The following ZNF407 variants were observed in gnomAD, a reference collection of about 807,000 sequenced individuals.
ZNF407 encodes the protein zinc finger protein 407.
In ZNF407, 17 loss-of-function variants were observed where a neutral mutation model predicts 131.2. The ratio of observed to expected loss-of-function variants is 0.13; its 90% CI spans 0.09 to 0.19. The LOEUF is 0.19. Among genes scored for constraint, ZNF407 ranks in the 10% least tolerant of loss-of-function variants. The pLI is 1.00. For synonymous variants in ZNF407, 1,156 were observed against 1,062.0 expected, an observed-to-expected ratio of 1.09 and a Z score of -1.72; for missense variants, 2,681 against 2,830.6, an observed-to-expected ratio of 0.95 and a Z score of 1.20.
intron 8 of ZNF407, among the ~76,000 whole-genome samples, chr18:74,948,748 G>A (rs1268904598): frequency 1.3e-5 from 2 of 152,200 alleles, no homozygotes; most frequent in African/African-American, 4.8e-5. Flanking sequence ...TTTAAAATAA[G>A]CTTGTGTAAG....
At chr18:74,670,551 A>G (rs1986102035) in intron 3 of ZNF407, among the ~76,000 whole-genome samples, 1 of 152,250 alleles carries the variant, frequency 6.6e-6, no homozygotes, top group Non-Finnish European at 1.5e-5. Flanking sequence ...CTAAGGAATA[A>G]AAAACTATTC....
At chr18:74,911,990 T>C (rs1307263484) in intron 7 of ZNF407, among the ~76,000 whole-genome samples, 1 of 152,120 alleles carries the variant, frequency 6.6e-6, no homozygotes, top group African/African-American at 2.4e-5. Context: ...CAGACCTGAT[T>C]GTTGCCAGTA....
chr18:74,850,637 A>G (rs1201616777), intron 4 of ZNF407, among the ~76,000 whole-genome samples: 1 of 152,224 alleles, frequency 6.6e-6, no homozygotes. Flanking sequence ...TTTATAACAA[A>G]TAAAGGCTGA....
chr18:74,748,280 C>A (rs895921352), intron 3 of ZNF407, among the ~76,000 whole-genome samples: 1 of 147,932 alleles, frequency 6.8e-6, no homozygotes. Context: ...TTTAAAAATT[C>A]TTTCTTTTTT....
chr18:74,991,414 T>G (rs1972717467), intron 8 of ZNF407, among the ~76,000 whole-genome samples: 1 of 152,222 alleles, frequency 6.6e-6, no homozygotes, highest in African/African-American at 2.4e-5. Flanking sequence ...CAATAAAATT[T>G]TGAGAATTGT....
intron 3 of ZNF407, among the ~76,000 whole-genome samples, chr18:74,653,443 G>T (rs1447728871): frequency 6.6e-6 from 1 of 151,602 alleles, no homozygotes; most frequent in Admixed American, 6.6e-5. Flanking sequence ...TATGTCTATG[G>T]TTTATAAAAT....
Position 75,064,471 on chromosome 18 carries a change from C to T in ZNF407, c.*3C>T, listed in dbSNP as rs189222961. The stretch of plus-strand genomic sequence containing the variant: ...GCAGCGAACTCCAGGAAGCATGAGA[C>T]GCGCGGCACCTTTACTCAGCACAGG... On this transcript the variant is annotated 3_prime_UTR_variant, in exon 9 of 9. Coordinates refer to ENST00000299687, the MANE Select transcript of ZNF407 (RefSeq NM_017757.3). 688 of 1,474,878 alleles carry T rather than the reference C, an allele frequency of 4.7e-4. 1 individual carries two copies. Among genetic ancestry groups the T allele is most frequent in the Non-Finnish European group, 5.8e-4 (641 of 1,109,030 alleles). The allele number at this position is 1,474,878 out of a possible 1,614,324, so 91.4% of individuals were successfully genotyped here. A position where few individuals can be genotyped will look rare whatever the true frequency, so the allele number is the denominator to read the frequency against.
chr18:75,033,529 G>A (rs538544952), intron 8 of ZNF407, among the ~76,000 whole-genome samples: 1 of 152,308 alleles, frequency 6.6e-6, no homozygotes, highest in Non-Finnish European at 1.5e-5. Flanking sequence ...GTCCCTTGTG[G>A]GGATTCAGAG....
intron 4 of ZNF407, among the ~76,000 whole-genome samples, chr18:74,874,969 A>T (rs564494403): frequency 5.9e-5 from 9 of 152,146 alleles, no homozygotes; most frequent in Admixed American, 1.3e-4. Context: ...AGCTGTATGC[A>T]TTATTAGCTC....
chr18:74,843,547 C>A (rs1970662497), intron 4 of ZNF407, among the ~76,000 whole-genome samples: 1 of 152,134 alleles, frequency 6.6e-6, no homozygotes, highest in Non-Finnish European at 1.5e-5. Flanking sequence ...TGAAAGAATT[C>A]TCTTACCTAT....
intron 8 of ZNF407, among the ~76,000 whole-genome samples, chr18:74,983,230 T>C (rs1423636809): frequency 6.6e-6 from 1 of 152,208 alleles, no homozygotes; most frequent in Non-Finnish European, 1.5e-5. Flanking sequence ...TTTCACGCTT[T>C]ATGGTCCCCT....
At chr18:74,821,726 A>C (rs998069749) in intron 4 of ZNF407, among the ~76,000 whole-genome samples, 18 of 152,204 alleles carry the variant, frequency 1.2e-4, no homozygotes, top group Non-Finnish European at 2.2e-4. Context: ...TGCCGCAATA[A>C]ACATATGTGT....
intron 3 of ZNF407, among the ~76,000 whole-genome samples, chr18:74,650,814 T>C (rs1396672748): frequency 6.6e-6 from 1 of 152,200 alleles, no homozygotes; most frequent in African/African-American, 2.4e-5. Context: ...ACAGTTTCAC[T>C]GTAATTAAAT....
intron 5 of ZNF407, among the ~76,000 whole-genome samples, chr18:74,879,688 G>A (rs977802367): frequency 6.6e-6 from 1 of 152,010 alleles, no homozygotes; most frequent in Non-Finnish European, 1.5e-5. Flanking sequence ...AAGAAGTAAA[G>A]ATAGCAAAAA....
At chr18:74,626,643 C>T (rs1983798685) in intron 1 of ZNF407, among the ~76,000 whole-genome samples, 1 of 152,134 alleles carries the variant, frequency 6.6e-6, no homozygotes, top group South Asian at 2.1e-4. Context: ...AAGGAAACAG[C>T]CCTAATGTCT....
At chr18:74,967,264 C>T (rs75316289) in intron 8 of ZNF407, among the ~76,000 whole-genome samples, 4,081 of 152,176 alleles carry the variant, frequency 0.027, 166 homozygotes, top group African/African-American at 0.09. Flanking sequence ...GAAAGAAAGA[C>T]GGATTTGTTT....
chr18:74,786,039 C>T (rs1969705157), intron 4 of ZNF407, among the ~76,000 whole-genome samples: 2 of 152,190 alleles, frequency 1.3e-5, no homozygotes. Flanking sequence ...TATAGAAACC[C>T]TGAGGAAATT....
At chr18:74,694,880 G>A (rs1967314353) in intron 3 of ZNF407, among the ~76,000 whole-genome samples, 1 of 152,042 alleles carries the variant, frequency 6.6e-6, no homozygotes, top group Admixed American at 6.6e-5. Flanking sequence ...ATAATCAAAA[G>A]TATTTTATCA....
rs148783871 is a variant in ZNF407, at chr18:74,874,941, G to T, written c.4878-2256G>T. On this transcript the variant is annotated intron_variant, in intron 4 of 8. Transcript: ENST00000299687. ...ACACTGATGTCCCTCTTCTCGCAGG[G>T]TTCACCCGGCAAGATAGAGCTGTAT... Among the ~76,000 whole-genome samples the T allele has an allele frequency of 1.5e-3, 234 of 152,206 alleles. 1 individual carries two copies. Among genetic ancestry groups the T allele is most frequent in the South Asian group, 8.1e-3 (39 of 4,816 alleles).
Sources: gnomAD v4.1 joint callset for allele counts (sites outside exome capture counted in the v4.1 genomes callset) on GRCh38, gnomAD v4.1.1 for gene constraint, MANE v1.5 for transcripts, NCBI Gene and HGNC (gene_info 2026-07-23, HGNC 2026-07-21) for gene names.